Variants in ZNF565 observed in about 807,000 individuals in gnomAD.
ZNF565 encodes the protein zinc finger protein 565.
ZNF565 carries 27 observed loss-of-function variants against 39.4 expected under a neutral mutation model. The ratio of observed to expected loss-of-function variants is 0.69; its 90% confidence interval spans 0.51 to 0.95. The LOEUF (loss-of-function observed/expected upper bound fraction) is 0.95. Among genes scored for constraint, ZNF565 ranks in the 40% least tolerant of loss-of-function variants. The pLI is 0.00. For synonymous variants in ZNF565, 185 were observed against 216.6 expected, an observed-to-expected ratio of 0.85 and a Z score of 1.28; for missense variants, 524 against 621.1, an observed-to-expected ratio of 0.84 and a Z score of 1.66.
chr19:36,210,700 C>T (rs1004624381), intron 1 of ZNF565, among the ~76,000 whole-genome samples: 1 of 151,346 alleles, frequency 6.6e-6, no homozygotes. Context: ...TCTTGGCTCG[C>T]TGCAACCTCC....
At chr19:36,206,112 C>G (rs1976141741) in intron 1 of ZNF565, among the ~76,000 whole-genome samples, 1 of 152,064 alleles carries the variant, frequency 6.6e-6, no homozygotes, top group South Asian at 2.1e-4. Flanking sequence ...CAAGCGTGCA[C>G]CATCATGCTC....
chr19:36,213,087 G>A (rs1413884028), intron 1 of ZNF565: 1 of 152,290 alleles, frequency 6.6e-6, no homozygotes, highest in Admixed American at 6.5e-5. Context: ...GAAGGCTGAG[G>A]TCACTCCTGT....
intron 1 of ZNF565, among the ~76,000 whole-genome samples, chr19:36,243,589 G>A (rs2972537): frequency 0.39 from 59,172 of 151,830 alleles, 11,575 homozygotes; most frequent in Middle Eastern, 0.5. Flanking sequence ...TTTGGAAGGA[G>A]GGAAGTCTCA....
At chr19:36,191,497 T>C (rs1409234567) in intron 4 of ZNF565, among the ~76,000 whole-genome samples, 2 of 151,912 alleles carry the variant, frequency 1.3e-5, no homozygotes, top group African/African-American at 2.4e-5. Context: ...GAAATAACCA[T>C]GGAACATGCT....
chr19:36,203,869 G>A (rs990071349), intron 1 of ZNF565, among the ~76,000 whole-genome samples: 1 of 151,974 alleles, frequency 6.6e-6, no homozygotes, highest in Admixed American at 6.6e-5. Context: ...ATGAGCTACT[G>A]TGCCTGGCCT....
At position 36,182,740 on chromosome 19, in the gene ZNF565, T is replaced by A; in HGVS notation, c.1226A>T (p.His409Leu). The change falls in exon 5 of 5, where the codon CAT becomes CTT. Residue 409 changes from histidine (H) to leucine (L), a missense_variant. Transcript: ENST00000304116. ...AFSRSSYLIQHQRIHTGDKPY... is the reference protein window; with the variant it reads ...AFSRSSYLIQLQRIHTGDKPY... ...TTTGTCACCTGTATGAATTCTTTGA[T>A]GTTGAATGAGGTATGAGCTACGACT... 1 of 1,614,156 alleles carries A rather than the reference T, an allele frequency of 6.2e-7. No individual in the cohort carries two copies. The highest frequency in any genetic ancestry group is 8.5e-7 in the Non-Finnish European group (1 of 1,180,032).
chr19:36,220,519 C>T (rs956659508), intron 1 of ZNF565, among the ~76,000 whole-genome samples: 1 of 151,978 alleles, frequency 6.6e-6, no homozygotes, highest in Non-Finnish European at 1.5e-5. Flanking sequence ...TGCATGCCAC[C>T]ACGCCCAGCT....
intron 1 of ZNF565, among the ~76,000 whole-genome samples, chr19:36,226,353 A>G (rs1273859292): frequency 6.6e-6 from 1 of 152,144 alleles, no homozygotes; most frequent in Non-Finnish European, 1.5e-5. Flanking sequence ...GACACACCCC[A>G]TTAGGAATTG....
At chr19:36,243,705 C>CT (rs548767930) in intron 1 of ZNF565, among the ~76,000 whole-genome samples, 1 of 151,180 alleles carries the variant, frequency 6.6e-6, no homozygotes, top group Admixed American at 6.6e-5. Context: ...GAGAGGGGTT[C>CT]TTTTTTTTAA....
intron 1 of ZNF565, among the ~76,000 whole-genome samples, chr19:36,223,585 G>T (rs946083842): frequency 6.6e-6 from 1 of 151,830 alleles, no homozygotes; most frequent in Non-Finnish European, 1.5e-5. Context: ...GGATGGTCTC[G>T]ATCTCCTGAC....
At chr19:36,186,717 G>T (rs931371515) in intron 4 of ZNF565, among the ~76,000 whole-genome samples, 34 of 152,070 alleles carry the variant, frequency 2.2e-4, no homozygotes, top group African/African-American at 8.0e-4. Flanking sequence ...TGAGCCCAGG[G>T]ACAGAGGTTC....
chr19:36,187,837 A>G, intron 4 of ZNF565, among the ~76,000 whole-genome samples: 1 of 142,330 alleles, frequency 7.0e-6, no homozygotes, highest in African/African-American at 2.6e-5. Context: ...AAGGGGTTTC[A>G]CTGTGTTAGC....
intron 1 of ZNF565, among the ~76,000 whole-genome samples, chr19:36,226,810 G>A (rs942066516): frequency 3.1e-4 from 47 of 152,178 alleles, no homozygotes; most frequent in African/African-American, 1.0e-3. Flanking sequence ...TTTGGGCCAC[G>A]TGCAGTGGCT....
intron 1 of ZNF565, among the ~76,000 whole-genome samples, chr19:36,230,433 A>C (rs376908897): frequency 6.6e-6 from 1 of 152,354 alleles, no homozygotes; most frequent in East Asian, 1.9e-4. Flanking sequence ...GATAGTGATA[A>C]GTGCTATGGA....
Position 36,182,882 on chromosome 19 carries a change from G to A in ZNF565, c.1084C>T (p.Pro362Ser). ...TTCCCACATTCCTTACACTCATAGG[G>A]TTTCTCCCCAGAATGAATTCTTTGA... ...RHQRIHSGEKPYECKECGKAF... is the reference protein window; with the variant it reads ...RHQRIHSGEKSYECKECGKAF... Residue 362 changes from proline (P) to serine (S), a missense_variant, in exon 5 of 5, where the codon CCC becomes TCC. Transcript: ENST00000304116. 6.2e-7 allele frequency: 1 copy of A among 1,614,104 alleles called. No homozygotes were observed. The highest frequency in any genetic ancestry group is 8.5e-7 in the Non-Finnish European group (1 of 1,180,040).
Position 36,182,525 on chromosome 19 carries a change from CACACTCTCT to C in ZNF565, c.1432_1440del (p.Arg478_Cys480del). 1 of 1,606,838 alleles carries C rather than the reference CACACTCTCT, an allele frequency of 6.2e-7. No individual in the cohort carries two copies. Among genetic ancestry groups the C allele is most frequent in the Non-Finnish European group, 8.5e-7 (1 of 1,176,484 alleles). ...TGTGAGCCAAGAATAAATGCCTGCCCACACTCTCTACATTCGTAAGGTTTGATACCAGGA... is the reference window on the plus strand; with the variant it reads ...TGTGAGCCAAGAATAAATGCCTGCCCACATTCGTAAGGTTTGATACCAGGA... On this transcript the variant is annotated inframe_deletion, in exon 5 of 5. Transcript: ENST00000304116.
At chr19:36,217,080 T>TG (rs1976643386), upstream of ZNF565, among the ~76,000 whole-genome samples, 3 of 125,118 alleles carry the variant, frequency 2.4e-5, no homozygotes, top group Non-Finnish European at 5.0e-5. Flanking sequence ...TTTTTTTTTT[T>TG]GAGATGGAGT....
intron 1 of ZNF565, among the ~76,000 whole-genome samples, chr19:36,221,285 T>C (rs1312289680): frequency 4.6e-5 from 3 of 65,526 alleles, no homozygotes; most frequent in Admixed American, 1.5e-4. Context: ...AAGGGACTGC[T>C]TTTTTTTTTT....
chr19:36,237,251 A>G, intron 1 of ZNF565: 1 of 1,614,052 alleles, frequency 6.2e-7, no homozygotes, highest in Non-Finnish European at 8.5e-7. Context: ...TTATCAGTGC[A>G]GTGAATGTGG....
Sources: allele counts gnomAD v4.1 joint callset (sites outside exome capture counted in the v4.1 genomes callset), GRCh38; gene constraint gnomAD v4.1.1; transcripts MANE v1.5; gene names NCBI Gene and HGNC (gene_info 2026-07-23, HGNC 2026-07-21).